YWHAE: variants seen among roughly 807,000 people sequenced by gnomAD.
YWHAE encodes 14-3-3 protein epsilon.
YWHAE carries 4 observed loss-of-function variants against 30.1 expected under a neutral mutation model. The observed-to-expected ratio is 0.13, with a 90% CI of 0.07 to 0.30. The LOEUF (loss-of-function observed/expected upper bound fraction) is 0.30, where lower values mean the gene tolerates loss of function less well. YWHAE is among the 10% of genes least tolerant of loss of function. The pLI is 1.00. For synonymous variants in YWHAE, 118 were observed against 111.8 expected (o/e 1.06, Z -0.35); for missense variants, 121 against 315.9 (o/e 0.38, Z 4.68).
At chr17:1,361,395 G>A (rs2072863005) in intron 3 of YWHAE, 97 bp from the exon 4 acceptor site, 2 of 985,508 alleles carry the variant, frequency 2.0e-6, no homozygotes, top group Non-Finnish European at 2.9e-6. Flanking sequence ...TATATAAAAT[G>A]TGACAAAAAT....
chr17:1,397,671 G>A (rs1189169094), intron 1 of YWHAE, among the ~76,000 whole-genome samples: 1 of 152,124 alleles, frequency 6.6e-6, no homozygotes, highest in Non-Finnish European at 1.5e-5. Flanking sequence ...CACCTGCTAA[G>A]TTCTGTTTGG....
At chr17:1,397,925 T>C (rs765728244) in intron 1 of YWHAE, among the ~76,000 whole-genome samples, 4 of 152,182 alleles carry the variant, frequency 2.6e-5, no homozygotes, top group Non-Finnish European at 5.9e-5. Flanking sequence ...ACTGTAATAA[T>C]GTGGCTGTAT....
intron 2 of YWHAE, 108 bp downstream of exon 2, chr17:1,364,751 A>G (rs2072918179): frequency 4.7e-6 from 6 of 1,277,826 alleles, no homozygotes; most frequent in Non-Finnish European, 6.6e-6. Flanking sequence ...ACATACTGTA[A>G]TACAAGTTAT....
At chr17:1,393,435 GCTTTT>G (rs1366154907) in intron 1 of YWHAE, among the ~76,000 whole-genome samples, 5 of 151,996 alleles carry the variant, frequency 3.3e-5, no homozygotes, top group Non-Finnish European at 5.9e-5. Context: ...AAACTACGGG[GCTTTT>G]CTTTTCTTGA....
At chr17:1,353,025 T>A (rs1175321663) in intron 5 of YWHAE, among the ~76,000 whole-genome samples, 2 of 152,164 alleles carry the variant, frequency 1.3e-5, no homozygotes, top group African/African-American at 4.8e-5. Flanking sequence ...AAAATTTCCT[T>A]TAAAATCAAC....
intron 1 of YWHAE, among the ~76,000 whole-genome samples, chr17:1,389,913 G>A (rs2073364448): frequency 6.6e-6 from 1 of 151,224 alleles, no homozygotes; most frequent in African/African-American, 2.4e-5. Context: ...GTACAATCTC[G>A]GCTCACTGCA....
At chr17:1,389,365 A>G (rs2150875388) in intron 1 of YWHAE, among the ~76,000 whole-genome samples, 1 of 152,308 alleles carries the variant, frequency 6.6e-6, no homozygotes, top group African/African-American at 2.4e-5. Context: ...CCCAGGGATT[A>G]AGTAGTATTT....
At chr17:1,390,370 T>C (rs1197244104) in intron 1 of YWHAE, among the ~76,000 whole-genome samples, 2 of 152,228 alleles carry the variant, frequency 1.3e-5, no homozygotes, top group Non-Finnish European at 1.5e-5. Flanking sequence ...GTGCATATCT[T>C]ACATAAGGAC....
At chr17:1,360,017 T>C (rs1338729768) in intron 4 of YWHAE, among the ~76,000 whole-genome samples, 1 of 151,330 alleles carries the variant, frequency 6.6e-6, no homozygotes, top group African/African-American at 2.4e-5. Flanking sequence ...GGCTACAGTG[T>C]ACTGGTGCAA....
intron 1 of YWHAE, among the ~76,000 whole-genome samples, chr17:1,391,359 G>A (rs142533004): frequency 6.8e-4 from 103 of 152,256 alleles, no homozygotes; most frequent in African/African-American, 2.3e-3. Flanking sequence ...GCTGGACAAC[G>A]TTTAGGAAAC....
chr17:1,395,557 T>C (rs2073456785), intron 1 of YWHAE, among the ~76,000 whole-genome samples: 1 of 152,174 alleles, frequency 6.6e-6, no homozygotes, highest in African/African-American at 2.4e-5. Flanking sequence ...TACTCAGTTC[T>C]GTCTATGCAT....
At chr17:1,354,462 A>T in intron 4 of YWHAE, 115 bp from the exon 5 acceptor site, 1 of 1,060,664 alleles carries the variant, frequency 9.4e-7, no homozygotes, top group Non-Finnish European at 1.3e-6. Context: ...AGTCACAATG[A>T]TAATGCAAAG....
chr17:1,388,101 GTTTTTTTT>G (rs1291752445), intron 1 of YWHAE, among the ~76,000 whole-genome samples: 1 of 62,358 alleles, frequency 1.6e-5, no homozygotes, highest in East Asian at 4.7e-4. Flanking sequence ...GGTAATTTTT[GTTTTTTTT>G]TTTGGTTGGT....
At chr17:1,378,749 G>A (rs964093382) in intron 1 of YWHAE, among the ~76,000 whole-genome samples, 4 of 152,108 alleles carry the variant, frequency 2.6e-5, no homozygotes, top group Non-Finnish European at 4.4e-5. Context: ...GTTCAGGACC[G>A]GCCTTGGCCA....
chr17:1,387,924 CTTTTT>C (rs35930155), intron 1 of YWHAE, among the ~76,000 whole-genome samples: 8 of 75,714 alleles, frequency 1.1e-4, no homozygotes, highest in East Asian at 3.8e-4. Context: ...CTGCACCTGG[CTTTTT>C]TTTTTTTTTT....
intron 3 of YWHAE, 150 bp downstream of exon 3, chr17:1,361,752 C>G (rs1474329622): frequency 1.8e-6 from 1 of 560,660 alleles, no homozygotes; most frequent in Non-Finnish European, 3.1e-6. Context: ...TTCATAATAG[C>G]CCAACCACCT....
chr17:1,380,374 A>C (rs1452601706), intron 1 of YWHAE, among the ~76,000 whole-genome samples: 1 of 152,128 alleles, frequency 6.6e-6, no homozygotes, highest in Non-Finnish European at 1.5e-5. Context: ...AGCCTTCCAA[A>C]GTGCGTGAGC....
intron 1 of YWHAE, among the ~76,000 whole-genome samples, chr17:1,397,969 T>C (rs1037032389): frequency 5.3e-5 from 8 of 152,206 alleles, no homozygotes; most frequent in African/African-American, 1.9e-4. Context: ...ATAAGGGCTC[T>C]GGTCAGAAAT....
At chr17:1,387,927 T>C (rs1306584498) in intron 1 of YWHAE, among the ~76,000 whole-genome samples, 1 of 131,428 alleles carries the variant, frequency 7.6e-6, no homozygotes, top group Non-Finnish European at 1.6e-5. Flanking sequence ...CACCTGGCTT[T>C]TTTTTTTTTT....
Sources: gnomAD v4.1 joint callset for allele counts (sites outside exome capture counted in the v4.1 genomes callset) on GRCh38, gnomAD v4.1.1 for gene constraint, MANE v1.5 for transcripts, NCBI Gene and HGNC (gene_info 2026-07-23, HGNC 2026-07-21) for gene names.